CAMK4: variants seen among roughly 807,000 people sequenced by gnomAD.
CAMK4 encodes calcium/calmodulin-dependent protein kinase type IV.
Under a neutral mutation model 44.9 loss-of-function variants are expected in CAMK4, and 22 were observed. The observed-to-expected ratio is 0.49, with a 90% CI of 0.35 to 0.70. The LOEUF (loss-of-function observed/expected upper bound fraction) is 0.70. CAMK4 is among the 30% of genes least tolerant of loss of function. The pLI, the probability that CAMK4 is intolerant of heterozygous loss-of-function variation, is 0.01. For missense variants in CAMK4, 498 were observed against 586.8 expected (o/e 0.85, Z 1.56); for synonymous variants, 218 against 215.4 (o/e 1.01, Z -0.11).
chr5:111,315,575 G>A (rs1184757505), intron 1 of CAMK4, among the ~76,000 whole-genome samples: 1 of 152,124 alleles, frequency 6.6e-6, no homozygotes, highest in Non-Finnish European at 1.5e-5. Flanking sequence ...GACAATCTTA[G>A]TTGTGGAAGA....
intron 1 of CAMK4, among the ~76,000 whole-genome samples, chr5:111,308,296 A>T (rs532456584): frequency 1.3e-5 from 2 of 152,072 alleles, no homozygotes; most frequent in African/African-American, 4.8e-5. Flanking sequence ...TTCTTATTTT[A>T]AAATGCACTT....
In CAMK4 at chr5:111,238,808, CTT is replaced by C. The variant is rs57552178; in HGVS notation, c.161+14191_161+14192del. On this transcript the variant is annotated intron_variant, in intron 1 of 10. Coordinates refer to ENST00000282356, the MANE Select transcript of CAMK4 (RefSeq NM_001744.6). ...CTAAAGCTGACTCTCAGAGGCTCTT[CTT>C]TTTTTTTTTTTTTTTTTTTTTTTTT... Among the ~76,000 whole-genome samples, 143 of 45,930 alleles carry C rather than the reference CTT, an allele frequency of 3.1e-3. 4 individuals carry two copies. Among genetic ancestry groups the C allele is most frequent in the African/African-American group, 6.8e-3 (75 of 10,986 alleles). 30.1% of individuals were successfully genotyped at this position (45,930 alleles called of 152,430 possible).
Position 111,224,600 on chromosome 5 carries a change from G to C in CAMK4, c.117G>C (p.Arg39Ser). The C allele has an allele frequency of 1.9e-6, 3 of 1,612,010 alleles. No individual in the cohort carries two copies. The highest frequency in any genetic ancestry group is 2.5e-6 in the Non-Finnish European group (3 of 1,179,618). The stretch of plus-strand genomic sequence containing the variant: ...ATTACTGGATCGACGGCTCCAACAG[G>C]GATGCGCTGAGCGATTTCTTCGAGG... ...VPDYWIDGSN[R>S]DALSDFFEVE... The change falls in exon 1 of 11, where the codon AGG becomes AGC. Residue 39 changes from arginine (R) to serine (S), a missense_variant. Arg to Ser is a moderately radical substitution (Grantham distance 110). This residue lies in a region of CAMK4 where 152 missense variants were observed against 143.7 expected (regional missense o/e 1.06). Transcript: ENST00000282356. The surrounding 1 kb of genome is among the most constrained non-coding windows in gnomAD (Gnocchi z 5.7).
intron 4 of CAMK4, among the ~76,000 whole-genome samples, chr5:111,380,803 G>T (rs1380531685): frequency 1.3e-5 from 2 of 152,152 alleles, no homozygotes; most frequent in Non-Finnish European, 2.9e-5. Flanking sequence ...TTCCAAAAAA[G>T]GAGATTTTCT....
intron 2 of CAMK4, among the ~76,000 whole-genome samples, chr5:111,370,141 A>ATAGAAATGTTTTCAT (rs1750950180): frequency 6.6e-6 from 1 of 152,194 alleles, no homozygotes. Flanking sequence ...TTACCTTTTT[A>ATAGAAATGTTTTCAT]AGAAATGTTT....
In CAMK4 at chr5:111,482,954, TTTG is replaced by T; in HGVS notation, c.981+20_981+22del. 1.9e-6 allele frequency: 3 copies of T among 1,559,758 alleles called. No homozygotes were observed. The highest frequency in any genetic ancestry group is 2.6e-6 in the Non-Finnish European group (3 of 1,156,672). ...AAGCTTAAGGTAAGATAGCATATAT[TTTG>T]TTTTGTTTTGTTTTGTTTTCAAAAA... is the stretch of plus-strand genomic sequence containing the variant. On this transcript the variant is annotated intron_variant, in intron 10 of 10. Transcript: ENST00000282356. The surrounding 1 kb of genome is among the most constrained non-coding windows in gnomAD (Gnocchi z 4.9).
chr5:111,386,606 T>A (rs1580685178), intron 4 of CAMK4, among the ~76,000 whole-genome samples: 1 of 152,228 alleles, frequency 6.6e-6, no homozygotes, highest in East Asian at 1.9e-4. Flanking sequence ...TGCACCAGAG[T>A]CATATGTTAC....
intron 5 of CAMK4, among the ~76,000 whole-genome samples, chr5:111,396,127 A>G (rs1211657877): frequency 1.3e-5 from 2 of 152,152 alleles, no homozygotes; most frequent in African/African-American, 2.4e-5. Context: ...TGAAAAGGGA[A>G]AAAATAACCT....
At chr5:111,320,543 G>A (rs1164724531) in intron 1 of CAMK4, among the ~76,000 whole-genome samples, 2 of 152,044 alleles carry the variant, frequency 1.3e-5, no homozygotes, top group African/African-American at 4.8e-5. Flanking sequence ...AGTTTCGCTC[G>A]TTGCCCAGGG....
rs1008943606 is a variant in CAMK4, at chr5:111,290,765, C to A, written c.162-53259C>A. 1.3e-5 allele frequency among the ~76,000 whole-genome samples: 2 copies of A among 152,124 alleles called. No homozygotes were observed. The highest frequency in any genetic ancestry group is 2.9e-5 in the Non-Finnish European group (2 of 68,014). Reference sequence around the variant, plus strand: ...GGTGAGAAGTGGGAGAAGTGCTGGGCAGGCATGAGGTAAGGTGTCAAGGGT... The same window carrying A: ...GGTGAGAAGTGGGAGAAGTGCTGGGAAGGCATGAGGTAAGGTGTCAAGGGT... On this transcript the variant is annotated intron_variant, in intron 1 of 10. Coordinates refer to ENST00000282356, the MANE Select transcript of CAMK4 (RefSeq NM_001744.6). This position sits in a 1 kb window ranked among gnomAD's most constrained non-coding sequence, Gnocchi z 4.5.
intron 5 of CAMK4, among the ~76,000 whole-genome samples, chr5:111,419,221 T>G (rs1177940554): frequency 3.9e-5 from 6 of 152,220 alleles, no homozygotes; most frequent in African/African-American, 1.4e-4. Context: ...TCATGTGTCT[T>G]TTGGCTGCAT....
At chr5:111,450,239 C>T (rs1754179063) in intron 7 of CAMK4, among the ~76,000 whole-genome samples, 1 of 152,166 alleles carries the variant, frequency 6.6e-6, no homozygotes. Context: ...GAAGCTGAGA[C>T]AGGAGAATCC....
In CAMK4 at chr5:111,369,952, G is replaced by T. The variant is rs1750940959; in HGVS notation, c.241-4898G>T. Among the ~76,000 whole-genome samples the T allele has an allele frequency of 2.0e-5, 3 of 152,004 alleles. No individual in the cohort carries two copies. In the South Asian group the frequency reaches 6.2e-4, roughly 32 times the overall value. ...ATCCATGGTTAGTTGAATAGAAGATGCCGAACCCACAGATATGGAGGGCTG... is the reference window on the plus strand; with the variant it reads ...ATCCATGGTTAGTTGAATAGAAGATTCCGAACCCACAGATATGGAGGGCTG... On this transcript the variant is annotated intron_variant, in intron 2 of 10. Coordinates refer to ENST00000282356, the MANE Select transcript of CAMK4 (RefSeq NM_001744.6).
intron 4 of CAMK4, among the ~76,000 whole-genome samples, chr5:111,387,513 A>AGG (rs1263027353): frequency 5.9e-5 from 9 of 152,196 alleles, no homozygotes; most frequent in African/African-American, 1.7e-4. Flanking sequence ...TAATCTTTTC[A>AGG]CTTATTGCAT....
At chr5:111,438,449 T>A (rs1402236200) in intron 5 of CAMK4, among the ~76,000 whole-genome samples, 1 of 152,196 alleles carries the variant, frequency 6.6e-6, no homozygotes, top group African/African-American at 2.4e-5. Context: ...AGCAAACATG[T>A]GGTATTCAGG....
chr5:111,405,431 G>T (rs200092337), intron 5 of CAMK4, among the ~76,000 whole-genome samples: 1 of 151,978 alleles, frequency 6.6e-6, no homozygotes, highest in African/African-American at 2.4e-5. Flanking sequence ...TTGCACCACC[G>T]CACTCCAGTA....
chr5:111,251,621 G>A (rs1470117960), intron 1 of CAMK4, among the ~76,000 whole-genome samples: 2 of 152,162 alleles, frequency 1.3e-5, no homozygotes, highest in East Asian at 3.8e-4. Context: ...AATTTGAGAA[G>A]GCCTTTCTGT....
intron 2 of CAMK4, among the ~76,000 whole-genome samples, chr5:111,367,874 G>A (rs1288166767): frequency 6.6e-6 from 1 of 152,048 alleles, no homozygotes; most frequent in Non-Finnish European, 1.5e-5. Flanking sequence ...AGTACCATGT[G>A]CCCATTGGAT....
intron 7 of CAMK4, among the ~76,000 whole-genome samples, chr5:111,453,587 G>A (rs940057062): frequency 1.3e-5 from 2 of 152,036 alleles, no homozygotes; most frequent in African/African-American, 2.4e-5. Flanking sequence ...AAGAATTTAC[G>A]CAGAGACTGT....
Sources: allele counts gnomAD v4.1 joint callset (sites outside exome capture counted in the v4.1 genomes callset), GRCh38; gene constraint gnomAD v4.1.1; regional missense constraint gnomAD v4.1.1; non-coding constraint Gnocchi (gnomAD v3.1); transcripts MANE v1.5; gene names NCBI Gene and HGNC (gene_info 2026-07-23, HGNC 2026-07-21).